Variants in ERCC6L observed in about 807,000 individuals in gnomAD.
The protein encoded by ERCC6L is ERCC excision repair 6 like, spindle assembly checkpoint helicase.
In ERCC6L, 7 loss-of-function variants were observed where a neutral mutation model predicts 20.1. The observed-to-expected ratio is 0.35, with a 90% CI of 0.20 to 0.65. The LOEUF (loss-of-function observed/expected upper bound fraction) is 0.65, where lower values mean the gene tolerates loss of function less well. Ranked by LOEUF, ERCC6L falls within the 30% of genes least tolerant of loss-of-function variation. The pLI, the probability that ERCC6L is intolerant of heterozygous loss-of-function variation, is 0.69. For synonymous variants in ERCC6L, 278 were observed against 331.3 expected, an observed-to-expected ratio of 0.84 and a Z score of 1.75; for missense variants, 592 against 892.4, an observed-to-expected ratio of 0.66 and a Z score of 4.29.
Position 72,207,490 on chromosome X carries a change from T to C in ERCC6L, c.1277A>G (p.Asn426Ser), listed in dbSNP as rs749819014. ...LLSARACCLL[N>S]LGTFSAQDGN... ...ATCTTGAGCAGAGAATGTCCCAAGA[T>C]TTAGCAAACAACAAGCCCGTGCAGA... The change falls in exon 2 of 2, where the codon AAT (asparagine) becomes AGT (serine). Residue 426 changes from asparagine to serine, a missense_variant. Physicochemically the swap from Asn to Ser is conservative, Grantham distance 46. Coordinates refer to ENST00000334463, the MANE Select transcript of ERCC6L (RefSeq NM_017669.4). The C allele has an allele frequency of 1.7e-6, 2 of 1,208,528 alleles. No individual in the cohort carries two copies. Among genetic ancestry groups the C allele is most frequent in the African/African-American group, 3.5e-5 (2 of 57,081 alleles).
chrX:72,207,936 C>A lies in ERCC6L; in HGVS notation c.831G>T (p.Gly277=). ...AAGTTTTTAATGTTCCCAGCAGGGA[C>A]CCTTGACAAGCAAAATCAAATAGGG... The part of the protein sequence containing the change: ...LWSLFDFACQ[G]SLLGTLKTFK... The change falls in exon 2 of 2, where the codon GGG becomes GGT. Residue 277 remains glycine, a synonymous_variant. Coordinates refer to ENST00000334463, the MANE Select transcript of ERCC6L (RefSeq NM_017669.4). 1 of 1,211,552 alleles carries A rather than the reference C, an allele frequency of 8.3e-7. No homozygotes were observed. The highest frequency in any genetic ancestry group is 1.7e-5 in the African/African-American group (1 of 57,794).
intron 1 of ERCC6L, among the ~76,000 whole-genome samples, chrX:72,224,809 C>T (rs750817775): frequency 9.0e-6 from 1 of 111,239 alleles, no homozygotes; most frequent in South Asian, 3.8e-4. Flanking sequence ...TAGTATGGAA[C>T]ACTGACTCCC....
intron 1 of ERCC6L, among the ~76,000 whole-genome samples, chrX:72,215,976 T>C (rs1391797321): frequency 9.0e-6 from 1 of 110,831 alleles, no homozygotes; most frequent in Non-Finnish European, 1.9e-5. Flanking sequence ...GATCTTTTTG[T>C]TGTCAATGTC....
At chrX:72,238,696 T>A in intron 1 of ERCC6L, 148 bp downstream of exon 1, 1 of 488,736 alleles carries the variant, frequency 2.0e-6, no homozygotes, top group Non-Finnish European at 3.4e-6. Context: ...CAGAGCTGAC[T>A]CCCACACCCT....
Position 72,205,027 on chromosome X carries a change from A to G in ERCC6L, c.3740T>C (p.Leu1247Pro). 1 of 1,191,434 alleles carries G rather than the reference A, an allele frequency of 8.4e-7. No individual in the cohort carries two copies. The highest frequency in any genetic ancestry group is 1.1e-6 in the Non-Finnish European group (1 of 884,910). ...CAGGTTACATTCTCAATTGTTATTAAGTTGCTTATACAAACTTAAAGTCAA... is the reference window on the plus strand; with the variant it reads ...CAGGTTACATTCTCAATTGTTATTAGGTTGCTTATACAAACTTAAAGTCAA... ...MLLTLSLYKQ[L>P]NNN The change falls in exon 2 of 2, where the codon CTT becomes CCT. Residue 1247 changes from leucine to proline, a missense_variant. This residue lies in a region of ERCC6L where 352 missense variants were observed against 402.6 expected (regional missense o/e 0.87). Coordinates refer to ENST00000334463, the MANE Select transcript of ERCC6L (RefSeq NM_017669.4).
At chrX:72,225,170 T>C (rs1480918585) in intron 1 of ERCC6L, among the ~76,000 whole-genome samples, 1 of 111,799 alleles carries the variant, frequency 8.9e-6, no homozygotes, top group African/African-American at 3.3e-5. Context: ...ATGCTTTTTT[T>C]ACTATTCCTC....
intron 1 of ERCC6L, among the ~76,000 whole-genome samples, chrX:72,224,447 C>T (rs2147598381): frequency 9.0e-6 from 1 of 111,411 alleles, no homozygotes; most frequent in Admixed American, 9.5e-5. Flanking sequence ...TCAGACACTC[C>T]ACATCAAATA....
Position 72,216,088 on chromosome X carries a change from T to C in ERCC6L, c.69-7390A>G, listed in dbSNP as rs1372705528. ...AAATTTCATGTCAACCTGGAGCCCG[T>C]GAATGTGACCAGGACATTGCAGATG... On this transcript the variant is annotated intron_variant, in intron 1 of 1. Coordinates refer to ENST00000334463, the MANE Select transcript of ERCC6L (RefSeq NM_017669.4). Among the ~76,000 whole-genome samples the C allele has an allele frequency of 5.4e-5, 6 of 110,442 alleles. No individual in the cohort carries two copies. In the Admixed American group the frequency reaches 5.8e-4, roughly 11 times the overall value.
At chrX:72,216,274 C>G (rs1256082501) in intron 1 of ERCC6L, among the ~76,000 whole-genome samples, 1 of 108,978 alleles carries the variant, frequency 9.2e-6, no homozygotes, top group Non-Finnish European at 1.9e-5. Context: ...AGCCAAAAAG[C>G]TCCTAGGATT....
rs745535504 is a variant in ERCC6L, at chrX:72,207,780, A to G, written c.987T>C (p.Thr329=). The change falls in exon 2 of 2, where the codon ACT becomes ACC. Residue 329 remains threonine, a synonymous_variant. Coordinates refer to ENST00000334463, the MANE Select transcript of ERCC6L (RefSeq NM_017669.4). The part of the protein sequence containing the change: ...AIIKPYFLRR[T]KEDVQKKKSS... ...ACTTTTTCTTCTGTACGTCTTCTTT[A>G]GTCCTCCTGAGAAAATAGGGTTTTA... 5.5e-5 allele frequency: 66 copies of G among 1,208,507 alleles called. No individual in the cohort carries two copies. The highest frequency in any genetic ancestry group is 3.7e-4 in the Admixed American group (17 of 45,426).
chrX:72,205,016 AATTGTT>A lies in ERCC6L; in HGVS notation c.3745_3750del (p.Asn1249_Asn1250del), dbSNP rs757223648. On this transcript the variant is annotated inframe_deletion, in exon 2 of 2. Coordinates refer to ENST00000334463, the MANE Select transcript of ERCC6L (RefSeq NM_017669.4). ...AATACAATAAACAGGTTACATTCTC[AATTGTT>A]ATTAAGTTGCTTATACAAACTTAAA... The A allele has an allele frequency of 3.4e-6, 4 of 1,179,017 alleles. No individual in the cohort carries two copies. In the South Asian group the frequency reaches 7.6e-5, roughly 22 times the overall value.
chrX:72,235,742 T>C (rs1041763005), intron 1 of ERCC6L, among the ~76,000 whole-genome samples: 39 of 111,495 alleles, frequency 3.5e-4, no homozygotes, highest in African/African-American at 9.5e-4. Flanking sequence ...CACCCAGATA[T>C]TCCAATTTCC....
chrX:72,210,116 G>A (rs963726259), intron 1 of ERCC6L, among the ~76,000 whole-genome samples: 2 of 108,662 alleles, frequency 1.8e-5, no homozygotes, highest in Non-Finnish European at 3.8e-5. Flanking sequence ...TGTGATCCCA[G>A]CACTTTTGGG....
intron 1 of ERCC6L, among the ~76,000 whole-genome samples, chrX:72,218,228 C>T (rs1036866863): frequency 9.5e-6 from 1 of 104,853 alleles, no homozygotes; most frequent in Admixed American, 1.0e-4. Context: ...CAAGATCGCA[C>T]CACTGCACTC....
intron 1 of ERCC6L, among the ~76,000 whole-genome samples, chrX:72,223,872 G>A (rs2042939885): frequency 9.0e-6 from 1 of 111,274 alleles, no homozygotes; most frequent in Admixed American, 9.6e-5. Flanking sequence ...TGGACACTGG[G>A]CAAAGGCTTG....
At chrX:72,232,627 G>A (rs1015526009) in intron 1 of ERCC6L, among the ~76,000 whole-genome samples, 2 of 110,983 alleles carry the variant, frequency 1.8e-5, no homozygotes, top group South Asian at 3.7e-4. Context: ...TGGCTAACAT[G>A]ACGAAACCCC....
Position 72,207,845 on chromosome X carries a change from C to A in ERCC6L, c.922G>T (p.Ala308Ser). 1 of 1,206,942 alleles carries A rather than the reference C, an allele frequency of 8.3e-7. No homozygotes were observed. Among genetic ancestry groups the A allele is most frequent in the Non-Finnish European group, 1.1e-6 (1 of 894,245 alleles). Residue 308 changes from alanine to serine, a missense_variant, in exon 2 of 2, where the codon GCC (alanine) becomes TCC (serine). Ala to Ser is a moderately conservative substitution (Grantham distance 99). Transcript: ENST00000334463. ...REKDATPGEKALGFKISENLM... is the reference protein window; with the variant it reads ...REKDATPGEKSLGFKISENLM... The stretch of plus-strand genomic sequence containing the variant: ...TTTTCAGATATTTTAAATCCCAAGG[C>A]TTTTTCTCCTGGGGTAGCATCCTTC...
At chrX:72,231,611 T>C (rs1476851705) in intron 1 of ERCC6L, among the ~76,000 whole-genome samples, 1 of 110,261 alleles carries the variant, frequency 9.1e-6, no homozygotes, top group African/African-American at 3.3e-5. Flanking sequence ...GAGTGCAGTG[T>C]GCCATGATCT....
chrX:72,204,969 C>T lies in ERCC6L; in HGVS notation c.*45G>A. Reference sequence around the variant, plus strand: ...ATCCAATTATGGGAACAAAAATTCCCTCATATTCAGTTTCACTTTAAAATA... The same window carrying T: ...ATCCAATTATGGGAACAAAAATTCCTTCATATTCAGTTTCACTTTAAAATA... On this transcript the variant is annotated 3_prime_UTR_variant, in exon 2 of 2. Transcript: ENST00000334463. The T allele has an allele frequency of 9.4e-7, 1 of 1,062,835 alleles. No homozygotes were observed. Among genetic ancestry groups the T allele is most frequent in the Non-Finnish European group, 1.3e-6 (1 of 791,960 alleles). The allele number at this position is 1,062,835 out of a possible 1,213,427, so 87.6% of individuals were successfully genotyped here.
Sources: allele counts gnomAD v4.1 joint callset (sites outside exome capture counted in the v4.1 genomes callset), GRCh38; gene constraint gnomAD v4.1.1; regional missense constraint gnomAD v4.1.1; transcripts MANE v1.5; gene names NCBI Gene and HGNC (gene_info 2026-07-23, HGNC 2026-07-21).